The following ARHGEF28 variants were observed in gnomAD, a reference collection of about 807,000 sequenced individuals.
ARHGEF28 encodes the protein Rho guanine nucleotide exchange factor 28, also known as 190 kDa guanine nucleotide exchange factor.
Under a neutral mutation model 206.6 loss-of-function variants are expected in ARHGEF28, and 152 were observed. The ratio of observed to expected loss-of-function variants is 0.74; its 90% CI spans 0.64 to 0.84. The LOEUF (loss-of-function observed/expected upper bound fraction) is 0.84, where lower values mean the gene tolerates loss of function less well. Among genes scored for constraint, ARHGEF28 ranks in the 40% least tolerant of loss-of-function variants. ARHGEF28 has a pLI of 0.00. For synonymous variants in ARHGEF28, 763 were observed against 776.4 expected (o/e 0.98, Z 0.29); for missense variants, 2,028 against 2,073.2 (o/e 0.98, Z 0.42).
At chr5:73,694,537 C>T (rs989995806) in intron 2 of ARHGEF28, among the ~76,000 whole-genome samples, 5 of 152,204 alleles carry the variant, frequency 3.3e-5, no homozygotes, top group Admixed American at 3.3e-4. Flanking sequence ...TTAGAGTTTT[C>T]TCTGGGAGAA....
chr5:73,712,019 T>C (rs1385755359), intron 2 of ARHGEF28, among the ~76,000 whole-genome samples: 1 of 152,162 alleles, frequency 6.6e-6, no homozygotes, highest in Non-Finnish European at 1.5e-5. Flanking sequence ...TGTTGAATTT[T>C]GTAATGCTTT....
At chr5:73,635,134 G>A (rs1743614222) in intron 1 of ARHGEF28, among the ~76,000 whole-genome samples, 1 of 152,128 alleles carries the variant, frequency 6.6e-6, no homozygotes, top group Admixed American at 6.5e-5. Flanking sequence ...ACCTGAGGTG[G>A]AGAGTGCGAG....
At chr5:73,652,645 G>A (rs749828525) in intron 1 of ARHGEF28, among the ~76,000 whole-genome samples, 1 of 152,220 alleles carries the variant, frequency 6.6e-6, no homozygotes, top group Non-Finnish European at 1.5e-5. Context: ...CAAAGGTGGT[G>A]TCAGAAATAT....
intron 24 of ARHGEF28, among the ~76,000 whole-genome samples, chr5:73,885,523 CTGGAG>C (rs1761224105): frequency 6.8e-6 from 1 of 146,482 alleles, no homozygotes; most frequent in South Asian, 2.2e-4. Flanking sequence ...GTCTCGTAGG[CTGGAG>C]TGGAGTGGTA....
At position 73,744,922 on chromosome 5, in the gene ARHGEF28, T is replaced by C. The variant is rs186039403; in HGVS notation, c.34-4915T>C. On this transcript the variant is annotated intron_variant, in intron 2 of 35. Transcript: ENST00000513042. ...ACTATGATGAAAGCCATAAAAAACC[T>C]TTCCTCAGAAAATGGACATATATAC... Among the ~76,000 whole-genome samples, 779 of 152,188 alleles carry C rather than the reference T, an allele frequency of 5.1e-3. 6 individuals carry two copies. The highest frequency in any genetic ancestry group is 0.018 in the African/African-American group (742 of 41,568).
chr5:73,829,325 CA>C (rs1411692639), intron 9 of ARHGEF28, among the ~76,000 whole-genome samples: 2 of 152,190 alleles, frequency 1.3e-5, no homozygotes, highest in African/African-American at 4.8e-5. Flanking sequence ...CCCTTTGCAA[CA>C]AAGAGTCAGA....
At chr5:73,808,479 A>C (rs1207163034) in intron 9 of ARHGEF28, among the ~76,000 whole-genome samples, 2 of 152,080 alleles carry the variant, frequency 1.3e-5, no homozygotes, top group Non-Finnish European at 2.9e-5. Context: ...CACCCATTTC[A>C]CCGGGTGCCT....
intron 18 of ARHGEF28, among the ~76,000 whole-genome samples, chr5:73,867,325 A>C (rs1759769430): frequency 6.6e-6 from 1 of 152,194 alleles, no homozygotes. Context: ...TTTAGAACTG[A>C]CCAGAAAAAC....
At chr5:73,775,720 A>C (rs1462420823) in intron 5 of ARHGEF28, among the ~76,000 whole-genome samples, 2 of 152,212 alleles carry the variant, frequency 1.3e-5, no homozygotes, top group East Asian at 1.9e-4. Flanking sequence ...GCTGTAACCC[A>C]AGAACATTAA....
At chr5:73,658,958 CAGGT>C (rs1745404492) in intron 1 of ARHGEF28, among the ~76,000 whole-genome samples, 1 of 122,116 alleles carries the variant, frequency 8.2e-6, no homozygotes, top group Non-Finnish European at 1.7e-5. Context: ...GTGATGCATG[CAGGT>C]ACACACACAC....
rs573685483 is a variant in ARHGEF28 at position 73,787,204 on chromosome 5, G to A, written c.910+6459G>A. On this transcript the variant is annotated intron_variant, in intron 7 of 35. Coordinates refer to ENST00000513042, the MANE Select transcript of ARHGEF28 (RefSeq NM_001177693.2). ...TGGGTGTTGGGGACTTAAGACAGCA[G>A]TACTAGGCAGGCCGTTCTGCAGAGC... 3.9e-5 allele frequency among the ~76,000 whole-genome samples: 6 copies of A among 152,310 alleles called. No homozygotes were observed. The South Asian group carries it at 6.2e-4, about 16-fold the overall frequency.
At chr5:73,769,249 CAG>C (rs1473104942) in intron 4 of ARHGEF28, among the ~76,000 whole-genome samples, 1 of 152,054 alleles carries the variant, frequency 6.6e-6, no homozygotes, top group South Asian at 2.1e-4. Context: ...GACAGAAAAA[CAG>C]AGAGATACAC....
intron 1 of ARHGEF28, among the ~76,000 whole-genome samples, chr5:73,664,032 C>T (rs1390313037): frequency 6.6e-6 from 1 of 152,182 alleles, no homozygotes; most frequent in African/African-American, 2.4e-5. Flanking sequence ...ACTCATGAGT[C>T]CTTTTCCCAG....
chr5:73,647,392 A>G (rs2112155565), intron 1 of ARHGEF28, among the ~76,000 whole-genome samples: 1 of 152,336 alleles, frequency 6.6e-6, no homozygotes, highest in Non-Finnish European at 1.5e-5. Flanking sequence ...CATTTTGGAT[A>G]AGGAATACTC....
intron 11 of ARHGEF28, among the ~76,000 whole-genome samples, chr5:73,841,533 C>T (rs1178852303): frequency 6.6e-6 from 1 of 151,756 alleles, no homozygotes; most frequent in East Asian, 1.9e-4. Flanking sequence ...TGGTAAAACC[C>T]CATCTCTACC....
chr5:73,788,806 G>C (rs559764505), intron 7 of ARHGEF28, among the ~76,000 whole-genome samples: 1 of 152,090 alleles, frequency 6.6e-6, no homozygotes, highest in Non-Finnish European at 1.5e-5. Flanking sequence ...TCTTGTTTAA[G>C]GATCAACTGT....
chr5:73,707,837 A>G (rs774403991), intron 2 of ARHGEF28, among the ~76,000 whole-genome samples: 6 of 152,158 alleles, frequency 3.9e-5, no homozygotes, highest in Non-Finnish European at 4.4e-5. Flanking sequence ...TGTACTTTCT[A>G]GTATGAAAAG....
intron 35 of ARHGEF28, among the ~76,000 whole-genome samples, chr5:73,915,059 G>A (rs1010636798): frequency 6.6e-6 from 1 of 152,214 alleles, no homozygotes; most frequent in African/African-American, 2.4e-5. Flanking sequence ...ACTTTTTAAA[G>A]AAGTTGGTTT....
chr5:73,653,008 T>C (rs973959444), intron 1 of ARHGEF28, among the ~76,000 whole-genome samples: 3 of 152,220 alleles, frequency 2.0e-5, no homozygotes, highest in African/African-American at 7.2e-5. Flanking sequence ...GTGTATCAGG[T>C]ACTTTACATA....
Sources: gnomAD v4.1 joint callset for allele counts (sites outside exome capture counted in the v4.1 genomes callset) on GRCh38, gnomAD v4.1.1 for gene constraint, MANE v1.5 for transcripts, NCBI Gene and HGNC (gene_info 2026-07-23, HGNC 2026-07-21) for gene names.